The following CLEC2D variants were observed in gnomAD, a reference collection of about 807,000 sequenced individuals.
CLEC2D encodes the protein C-type lectin related f.
In CLEC2D, 16 loss-of-function variants were observed where a neutral mutation model predicts 20.0. That is an observed-to-expected ratio of 0.80 (90% CI 0.54 to 1.22). CLEC2D has a LOEUF of 1.22. Ranked by LOEUF, CLEC2D falls within the 50% of genes most tolerant of loss-of-function variation. CLEC2D has a pLI of 0.00. For missense variants in CLEC2D, 207 were observed against 221.5 expected, an observed-to-expected ratio of 0.93 and a Z score of 0.42; for synonymous variants, 77 against 71.1, an observed-to-expected ratio of 1.08 and a Z score of -0.42.
chr12:9,688,025 G>A lies in CLEC2D; in HGVS notation c.296G>A (p.Ser99Asn). ...GATGACACCAAGAACTGGACATCAA[G>A]TCAGAGGTTTTGTGACTCACAAGAT... ...FSDDTKNWTS[S>N]QRFCDSQDAD... Residue 99 changes from serine (S) to asparagine (N), a missense_variant, in exon 3 of 5, where the codon AGT becomes AAT. Coordinates refer to ENST00000290855, the MANE Select transcript of CLEC2D (RefSeq NM_013269.6). 6.2e-7 allele frequency: 1 copy of A among 1,613,022 alleles called. No homozygotes were observed. The highest frequency in any genetic ancestry group is 8.5e-7 in the Non-Finnish European group (1 of 1,179,500).
At chr12:9,671,511 CGCCCG>C (rs1565462840) in intron 1 of CLEC2D, among the ~76,000 whole-genome samples, 1 of 152,226 alleles carries the variant, frequency 6.6e-6, no homozygotes, top group Non-Finnish European at 1.5e-5. Flanking sequence ...TGAGCCACCG[CGCCCG>C]GCCGAGGATT....
chr12:9,680,396 T>C, intron 1 of CLEC2D: 1 of 164,906 alleles, frequency 6.1e-6, no homozygotes, highest in Non-Finnish European at 1.3e-5. Context: ...GAAAGATCCT[T>C]GTTATGTGGC....
Position 9,695,490 on chromosome 12 carries a change from AT to A in CLEC2D, c.*617del, listed in dbSNP as rs1865962451. ...GATGATCACTTTAAGGTGGATAATG[AT>A]GAAAATGAGACCAGTTATCTTTAAG... On this transcript the variant is annotated 3_prime_UTR_variant, in exon 5 of 5. Coordinates refer to ENST00000290855, the MANE Select transcript of CLEC2D (RefSeq NM_013269.6). The A allele has an allele frequency of 7.9e-7, 1 of 1,273,518 alleles. No homozygotes were observed. The highest frequency in any genetic ancestry group is 1.5e-5 in the African/African-American group (1 of 67,312). 78.9% of individuals were successfully genotyped at this position (1,273,518 alleles called of 1,614,324 possible). A position where few individuals can be genotyped will look rare whatever the true frequency, so the allele number is the denominator to read the frequency against.
Position 9,695,546 on chromosome 12 carries a change from A to G in CLEC2D, c.*672A>G. 4 of 1,313,606 alleles carry G rather than the reference A, an allele frequency of 3.0e-6. No individual in the cohort carries two copies. In the South Asian group the frequency reaches 4.7e-5, roughly 15 times the overall value. The allele number at this position is 1,313,606 out of a possible 1,614,324, so 81.4% of individuals were successfully genotyped here. A position where few individuals can be genotyped will look rare whatever the true frequency, so the allele number is the denominator to read the frequency against. ...GTCAGCTCAGGGGCTGGTGCAAAGG[A>G]TGAACTGCACATTGTTGAAGCAGAG... On this transcript the variant is annotated 3_prime_UTR_variant, in exon 5 of 5. Transcript: ENST00000290855.
At chr12:9,672,241 C>T (rs1291328539) in intron 1 of CLEC2D, among the ~76,000 whole-genome samples, 1 of 152,152 alleles carries the variant, frequency 6.6e-6, no homozygotes, top group Non-Finnish European at 1.5e-5. Context: ...ATAGTAAACC[C>T]ACTCCCATTA....
At chr12:9,693,200 C>G in intron 4 of CLEC2D, 1 of 971,970 alleles carries the variant, frequency 1.0e-6, no homozygotes, top group Non-Finnish European at 1.6e-6. Context: ...CATACAATAT[C>G]TTTAAGTCTG....
chr12:9,674,966 C>T (rs1349854301), intron 1 of CLEC2D, among the ~76,000 whole-genome samples: 1 of 152,044 alleles, frequency 6.6e-6, no homozygotes, highest in Non-Finnish European at 1.5e-5. Context: ...GACTATGATA[C>T]ATTTTGAGTC....
At chr12:9,681,700 G>A (rs1565466634) in intron 2 of CLEC2D, among the ~76,000 whole-genome samples, 1 of 152,028 alleles carries the variant, frequency 6.6e-6, no homozygotes, top group Non-Finnish European at 1.5e-5. Context: ...TCTACCCCCT[G>A]TTACTACATT....
intron 4 of CLEC2D, chr12:9,693,823 A>G: frequency 2.2e-6 from 1 of 449,754 alleles, no homozygotes; most frequent in Non-Finnish European, 4.5e-6. Context: ...TGTATTTTTG[A>G]GAGACAGGGT....
At chr12:9,680,639 C>T (rs1035571093) in intron 1 of CLEC2D, among the ~76,000 whole-genome samples, 1 of 152,070 alleles carries the variant, frequency 6.6e-6, no homozygotes, top group African/African-American at 2.4e-5. Context: ...TTTCCAGTTA[C>T]TTGGATTTTG....
At position 9,695,873 on chromosome 12, in the gene CLEC2D, AAGAT is replaced by A. The variant is rs1490557060; in HGVS notation, c.*1000_*1003del. 1.2e-3 allele frequency: 1,301 copies of A among 1,079,256 alleles called. 12 individuals carry two copies. The African/African-American group carries it at 0.016, about 13-fold the overall frequency. 66.9% of individuals were successfully genotyped at this position (1,079,256 alleles called of 1,614,324 possible). On this transcript the variant is annotated 3_prime_UTR_variant, in exon 5 of 5. Coordinates refer to ENST00000290855, the MANE Select transcript of CLEC2D (RefSeq NM_013269.6). The stretch of plus-strand genomic sequence containing the variant: ...GCTGCTGCTGATGATGATGATGATG[AAGAT>A]GATGATGATGATGATGACGAGGAAG...
rs1415695638 is a variant in CLEC2D, at chr12:9,681,053, T to C, written c.172+20T>C. On this transcript the variant is annotated intron_variant, in intron 2 of 4. Transcript: ENST00000290855. ...TAAGCGGTAAGTGAACTGTAATCTT[T>C]ATTCATCTAGAGAGAATTATACTTG... is the stretch of plus-strand genomic sequence containing the variant. 7 of 1,192,390 alleles carry C rather than the reference T, an allele frequency of 5.9e-6. No individual in the cohort carries two copies. Among genetic ancestry groups the C allele is most frequent in the African/African-American group, 3.0e-5 (2 of 66,188 alleles). The allele number at this position is 1,192,390 out of a possible 1,614,324, so 73.9% of individuals were successfully genotyped here.
chr12:9,688,337 A>G (rs1865798102), intron 3 of CLEC2D, among the ~76,000 whole-genome samples: 1 of 152,104 alleles, frequency 6.6e-6, no homozygotes, highest in South Asian at 2.1e-4. Context: ...TTGACTTGTG[A>G]GCCAGAATTG....
At chr12:9,680,875 T>G in intron 1 of CLEC2D, 48 bp from the exon 2 acceptor site, 1 of 924,494 alleles carries the variant, frequency 1.1e-6, no homozygotes, top group Non-Finnish European at 1.8e-6. Flanking sequence ...TCTGGCAGTA[T>G]TATGTCTGTA....
At position 9,695,738 on chromosome 12, in the gene CLEC2D, T is replaced by C; in HGVS notation, c.*864T>C. On this transcript the variant is annotated 3_prime_UTR_variant, in exon 5 of 5. Coordinates refer to ENST00000290855, the MANE Select transcript of CLEC2D (RefSeq NM_013269.6). ...ATTAGTGGACAGCACTTAGTAGCTG[T>C]GAAGGAAGGTGCAGAGTCAGAAGAT... 1.4e-6 allele frequency: 2 copies of C among 1,445,428 alleles called. No individual in the cohort carries two copies. 89.5% of individuals were successfully genotyped at this position (1,445,428 alleles called of 1,614,324 possible). A position where few individuals can be genotyped will look rare whatever the true frequency, so the allele number is the denominator to read the frequency against.
Position 9,695,283 on chromosome 12 carries a change from G to A in CLEC2D, c.*409G>A. ...GATATCTTGAGACAAGAACAGTATGGGGCTCCCTGGTGTGATTCCGTCCTG... is the reference window on the plus strand; with the variant it reads ...GATATCTTGAGACAAGAACAGTATGAGGCTCCCTGGTGTGATTCCGTCCTG... On this transcript the variant is annotated 3_prime_UTR_variant, in exon 5 of 5. Coordinates refer to ENST00000290855, the MANE Select transcript of CLEC2D (RefSeq NM_013269.6). The A allele has an allele frequency of 1.4e-6, 1 of 709,954 alleles. No homozygotes were observed. Among genetic ancestry groups the A allele is most frequent in the South Asian group, 1.5e-5 (1 of 67,246 alleles). 44.0% of individuals were successfully genotyped at this position (709,954 alleles called of 1,614,324 possible).
chr12:9,696,219 G>A lies in CLEC2D; in HGVS notation c.*1345G>A. On this transcript the variant is annotated 3_prime_UTR_variant, in exon 5 of 5. Coordinates refer to ENST00000290855, the MANE Select transcript of CLEC2D (RefSeq NM_013269.6). ...CTATTCAAGATCTCTGGCAGTGGAG[G>A]AAGTCTCTTTAAGAAAATAGTTTAA... The A allele has an allele frequency of 1.2e-6, 1 of 844,176 alleles. No individual in the cohort carries two copies. Among genetic ancestry groups the A allele is most frequent in the African/African-American group, 1.7e-5 (1 of 60,534 alleles). The allele number at this position is 844,176 out of a possible 1,614,324, so 52.3% of individuals were successfully genotyped here.
chr12:9,696,132 C>G lies in CLEC2D; in HGVS notation c.*1258C>G. 1.0e-6 allele frequency: 1 copy of G among 957,056 alleles called. No homozygotes were observed. The highest frequency in any genetic ancestry group is 2.4e-5 in the East Asian group (1 of 42,066). 59.3% of individuals were successfully genotyped at this position (957,056 alleles called of 1,614,324 possible). A position where few individuals can be genotyped will look rare whatever the true frequency, so the allele number is the denominator to read the frequency against. ...GTATAGAAAAACGTGGTTCTCTTCC[C>G]AAAGTGGAAACCAAGTTCATCAATT... On this transcript the variant is annotated 3_prime_UTR_variant, in exon 5 of 5. Transcript: ENST00000290855.
rs71045286 is a variant in CLEC2D, at chr12:9,688,190, A to ATTTTTTT, written c.357+122_357+128dup. On this transcript the variant is annotated intron_variant, in intron 3 of 4. Coordinates refer to ENST00000290855, the MANE Select transcript of CLEC2D (RefSeq NM_013269.6). Reference sequence around the variant, plus strand: ...GGTTTAGACATCTGCTTTTACATTGATTTTTTTTTTTTTTTTTTTTTTTTG... The same window carrying ATTTTTTT: ...GGTTTAGACATCTGCTTTTACATTGATTTTTTTTTTTTTTTTTTTTTTTTTTTTTTTG... 4.7e-4 allele frequency: 366 copies of ATTTTTTT among 786,230 alleles called. 2 individuals are homozygous for ATTTTTTT. The highest frequency in any genetic ancestry group is 2.0e-3 in the African/African-American group (73 of 36,668). The allele number at this position is 786,230 out of a possible 1,614,324, so 48.7% of individuals were successfully genotyped here.
Sources: gnomAD v4.1 joint callset for allele counts (sites outside exome capture counted in the v4.1 genomes callset) on GRCh38, gnomAD v4.1.1 for gene constraint, MANE v1.5 for transcripts, NCBI Gene and HGNC (gene_info 2026-07-23, HGNC 2026-07-21) for gene names.